LIMS2: variants seen among roughly 807,000 people sequenced by gnomAD.
LIMS2 encodes the protein LIM zinc finger domain containing 2.
In LIMS2, 30 loss-of-function variants were observed where a neutral mutation model predicts 45.3. The ratio of observed to expected loss-of-function variants is 0.66; its 90% CI spans 0.50 to 0.90. The LOEUF (loss-of-function observed/expected upper bound fraction) is 0.90, where lower values mean the gene tolerates loss of function less well. LIMS2 is among the 40% of genes least tolerant of loss of function. The pLI, the probability that LIMS2 is intolerant of heterozygous loss-of-function variation, is 0.00. For missense variants in LIMS2, 485 were observed against 468.7 expected (o/e 1.03, Z -0.32); for synonymous variants, 173 against 188.0 (o/e 0.92, Z 0.65).
At chr2:127,666,503 G>C (rs78604314) in intron 1 of LIMS2, among the ~76,000 whole-genome samples, 1 of 142,970 alleles carries the variant, frequency 7.0e-6, no homozygotes, top group African/African-American at 2.7e-5. Context: ...CCAGTAAGGA[G>C]GTAGCAGAAT....
rs1222206319 is a variant in LIMS2, at chr2:127,647,046, G to A, written c.360-3974C>T. 6.6e-6 allele frequency among the ~76,000 whole-genome samples: 1 copy of A among 152,062 alleles called. No homozygotes were observed. Among genetic ancestry groups the A allele is most frequent in the Admixed American group, 6.5e-5 (1 of 15,276 alleles). Reference sequence around the variant, plus strand: ...GCAGGAAGTGGAGGGCAGTGCCCAGGCTGAGGCCCCCGGGCTGGAGGCAGG... The same window carrying A: ...GCAGGAAGTGGAGGGCAGTGCCCAGACTGAGGCCCCCGGGCTGGAGGCAGG... On this transcript the variant is annotated intron_variant, in intron 4 of 9. Coordinates refer to ENST00000355119, the MANE Select transcript of LIMS2 (RefSeq NM_001161403.3). This position sits in a 1 kb window ranked among gnomAD's most constrained non-coding sequence, Gnocchi z 4.3.
intron 4 of LIMS2, among the ~76,000 whole-genome samples, chr2:127,654,206 G>A (rs752481137): frequency 2.0e-5 from 3 of 152,102 alleles, no homozygotes; most frequent in Admixed American, 6.5e-5. Flanking sequence ...CATGGCTCCC[G>A]AGAGGCTGCC....
At chr2:127,673,033 C>T (rs1314656230) in intron 1 of LIMS2, among the ~76,000 whole-genome samples, 1 of 152,208 alleles carries the variant, frequency 6.6e-6, no homozygotes, top group Non-Finnish European at 1.5e-5. Flanking sequence ...GGAAAACTCT[C>T]GCCCACTCCG....
Position 127,647,939 on chromosome 2 carries a change from T to C in LIMS2, c.360-4867A>G. 1.2e-6 allele frequency: 1 copy of C among 840,976 alleles called. No individual in the cohort carries two copies. The highest frequency in any genetic ancestry group is 1.4e-6 in the Non-Finnish European group (1 of 697,846). 52.1% of individuals were successfully genotyped at this position (840,976 alleles called of 1,614,324 possible). Reference sequence around the variant, plus strand: ...CAGGCCCTGTCAAGGGCTGTGTTCCTCCCTCCTTTTACCTCTCCTCCACAG... The same window carrying C: ...CAGGCCCTGTCAAGGGCTGTGTTCCCCCCTCCTTTTACCTCTCCTCCACAG... On this transcript the variant is annotated intron_variant, in intron 4 of 9. Transcript: ENST00000355119. This position sits in a 1 kb window ranked among gnomAD's most constrained non-coding sequence, Gnocchi z 4.3.
intron 4 of LIMS2, among the ~76,000 whole-genome samples, chr2:127,649,072 GAAAAAGAAAAGAAAAAAAGA>G (rs1244154397): frequency 4.8e-5 from 4 of 83,352 alleles, no homozygotes; most frequent in African/African-American, 1.6e-4. Context: ...AGGAAGGAAG[GAAAAAGAAAAGAAAAAAAGA>G]AAAAAGAAAA....
chr2:127,667,317 A>G lies in LIMS2; in HGVS notation c.11+7697T>C, dbSNP rs1430342109. Among the ~76,000 whole-genome samples, 3 of 152,140 alleles carry G rather than the reference A, an allele frequency of 2.0e-5. No homozygotes were observed. The highest frequency in any genetic ancestry group is 4.4e-5 in the Non-Finnish European group (3 of 68,032). The stretch of plus-strand genomic sequence containing the variant: ...AAAAGAGAAAAAAACAAAAAACAAA[A>G]AACAACAAACCTTCACAAAATCTTT... On this transcript the variant is annotated intron_variant, in intron 1 of 9. Coordinates refer to ENST00000355119, the MANE Select transcript of LIMS2 (RefSeq NM_001161403.3). This position sits in a 1 kb window ranked among gnomAD's most constrained non-coding sequence, Gnocchi z 4.1.
At chr2:127,681,177 G>GCCTC (rs1685604994) in intron 1 of LIMS2, 1 of 152,362 alleles carries the variant, frequency 6.6e-6, no homozygotes, top group Non-Finnish European at 1.5e-5. Context: ...CTGACGGAGG[G>GCCTC]CAGCCCCTCC....
At chr2:127,648,808 C>T (rs1683272699) in intron 4 of LIMS2, among the ~76,000 whole-genome samples, 1 of 151,514 alleles carries the variant, frequency 6.6e-6, no homozygotes, top group Non-Finnish European at 1.5e-5. Context: ...GTAGTCCCAG[C>T]TATTCAGGAG....
chr2:127,678,643 G>A (rs1023244393), upstream of LIMS2, among the ~76,000 whole-genome samples: 5 of 152,198 alleles, frequency 3.3e-5, no homozygotes, highest in South Asian at 2.1e-4. This position sits in a 1 kb window ranked among gnomAD's most constrained non-coding sequence, Gnocchi z 5.3. Context: ...TGTGGCCGGC[G>A]TGGGCGTGGT....
chr2:127,644,532 T>A (rs1392178396), intron 4 of LIMS2, among the ~76,000 whole-genome samples: 1 of 152,162 alleles, frequency 6.6e-6, no homozygotes, highest in Non-Finnish European at 1.5e-5. Context: ...GGCCAGCCCA[T>A]GCCCCCTGCG....
chr2:127,651,054 A>G (rs781690937), intron 4 of LIMS2: 1 of 1,613,670 alleles, frequency 6.2e-7, no homozygotes, highest in South Asian at 1.1e-5. Flanking sequence ...ATGCCGTCTC[A>G]CCGGCTTCCT....
intron 1 of LIMS2, among the ~76,000 whole-genome samples, chr2:127,660,037 C>T (rs1684514948): frequency 6.6e-6 from 1 of 152,232 alleles, no homozygotes; most frequent in Non-Finnish European, 1.5e-5. Context: ...CCCCAGTTAC[C>T]TTGCTTCCCA....
At chr2:127,659,441 G>C (rs1215778190) in intron 1 of LIMS2, among the ~76,000 whole-genome samples, 1 of 152,112 alleles carries the variant, frequency 6.6e-6, no homozygotes, top group Non-Finnish European at 1.5e-5. Flanking sequence ...TCCACGGGGC[G>C]AGCCAGGCAG....
At chr2:127,670,234 G>A (rs951157094) in intron 1 of LIMS2, among the ~76,000 whole-genome samples, 6 of 152,176 alleles carry the variant, frequency 3.9e-5, no homozygotes, top group African/African-American at 1.4e-4. Context: ...CAATGCAAAT[G>A]TCTACCACGG....
rs759466990 is a variant in LIMS2 at position 127,651,700 on chromosome 2, C to T, written c.359+2724G>A. On this transcript the variant is annotated intron_variant, in intron 4 of 9. Transcript: ENST00000355119. ...GGCAAAAGGCTCAAGGGCCCGCCCCCCAGCTTCGAAGGGAAAACCAACGAG... is the reference window on the plus strand; with the variant it reads ...GGCAAAAGGCTCAAGGGCCCGCCCCTCAGCTTCGAAGGGAAAACCAACGAG... The T allele has an allele frequency of 5.0e-6, 8 of 1,613,174 alleles. 1 individual carries two copies. In the South Asian group the frequency reaches 7.7e-5, roughly 15 times the overall value.
Position 127,643,185 on chromosome 2 carries a change from A to C in LIMS2, c.360-113T>G, listed in dbSNP as rs549739887. 103 of 1,194,600 alleles carry C rather than the reference A, an allele frequency of 8.6e-5. No homozygotes were observed. In the East Asian group the frequency reaches 2.6e-3, roughly 30 times the overall value. The allele number at this position is 1,194,600 out of a possible 1,614,324, so 74.0% of individuals were successfully genotyped here. ...CTTCACTGAGCAGCTGGGGGCTTCA[A>C]AGGGGCTCAGCCCAGGGTATGGGAA... On this transcript the variant is annotated intron_variant, in intron 4 of 9. Transcript: ENST00000355119.
intron 1 of LIMS2, among the ~76,000 whole-genome samples, chr2:127,658,944 G>A (rs941383854): frequency 1.3e-5 from 2 of 152,226 alleles, no homozygotes; most frequent in Non-Finnish European, 2.9e-5. Flanking sequence ...TGAGGGAAAT[G>A]CTTGGTGAGT....
At chr2:127,650,705 G>C (rs1159283233) in intron 4 of LIMS2, 1 of 1,586,052 alleles carries the variant, frequency 6.3e-7, no homozygotes, top group Admixed American at 1.8e-5. Context: ...CTGTTTGCTT[G>C]TTCCCTCCAG....
chr2:127,658,186 C>T (rs755024229), intron 1 of LIMS2, among the ~76,000 whole-genome samples: 6 of 152,264 alleles, frequency 3.9e-5, no homozygotes, highest in Non-Finnish European at 7.4e-5. Context: ...CCCAGGAGTT[C>T]GAGACCAGCC....
Sources: gnomAD v4.1 joint callset for allele counts (sites outside exome capture counted in the v4.1 genomes callset) on GRCh38, gnomAD v4.1.1 for gene constraint, Gnocchi (gnomAD v3.1) non-coding constraint, MANE v1.5 for transcripts, NCBI Gene and HGNC (gene_info 2026-07-23, HGNC 2026-07-21) for gene names.